Variants in MYOM1 observed in about 807,000 individuals in gnomAD.
MYOM1 encodes the protein myomesin 1.
A neutral mutation model predicts 205.3 loss-of-function variants in MYOM1; 164 were observed. That is an observed-to-expected ratio of 0.80 (90% CI 0.70 to 0.91). The LOEUF is 0.91. MYOM1 is among the 40% of genes least tolerant of loss of function. MYOM1 has a pLI of 0.00. For synonymous variants in MYOM1, 772 were observed against 789.4 expected (o/e 0.98, Z 0.37); for missense variants, 2,011 against 2,127.3 (o/e 0.95, Z 1.08).
chr18:3,225,585 G>A, the MYOM1 span, among the ~76,000 whole-genome samples: 3 of 152,192 alleles, frequency 2.0e-5, no homozygotes, highest in African/African-American at 7.2e-5. Flanking sequence ...CCAGACTCCA[G>A]AACAAAGGCT....
chr18:3,093,153 T>G (rs1224335645), intron 26 of MYOM1, among the ~76,000 whole-genome samples: 2 of 152,190 alleles, frequency 1.3e-5, no homozygotes, highest in East Asian at 3.8e-4. Flanking sequence ...TCTCCTAATA[T>G]TCATGGTACT....
the MYOM1 span, among the ~76,000 whole-genome samples, chr18:3,238,419 T>C: frequency 1.7e-3 from 253 of 151,452 alleles, 1 homozygote; most frequent in African/African-American, 5.9e-3. Flanking sequence ...CACTGAGCTA[T>C]ACAATAAACA....
At chr18:3,229,932 C>A in the MYOM1 span, among the ~76,000 whole-genome samples, 1 of 137,310 alleles carries the variant, frequency 7.3e-6, no homozygotes, top group Non-Finnish European at 1.5e-5. Context: ...GCCGAGATTG[C>A]GCCATTGCAC....
At chr18:3,150,591 C>T (rs1168028667) in intron 12 of MYOM1, among the ~76,000 whole-genome samples, 1 of 152,106 alleles carries the variant, frequency 6.6e-6, no homozygotes. Flanking sequence ...CCCACAACAA[C>T]AAAGAATTAC....
At chr18:3,185,690 T>A (rs962054760) in intron 5 of MYOM1, among the ~76,000 whole-genome samples, 8 of 152,356 alleles carry the variant, frequency 5.3e-5, no homozygotes, top group African/African-American at 1.9e-4. Flanking sequence ...TTGATTTTTT[T>A]AAACTTCATT....
At chr18:3,216,004 A>G (rs1369776479) in intron 1 of MYOM1, among the ~76,000 whole-genome samples, 2 of 152,192 alleles carry the variant, frequency 1.3e-5, no homozygotes, top group African/African-American at 4.8e-5. Context: ...ACAGTGGGTC[A>G]CGCCTGTAAT....
At position 3,116,389 on chromosome 18, in the gene MYOM1, G is replaced by C. The variant is rs368707213; in HGVS notation, c.3245C>G (p.Ala1082Gly). Residue 1082 changes from alanine (A) to glycine (G), a missense_variant, in exon 21 of 38, where the codon GCC becomes GGC. By Grantham distance (60) the Ala-to-Gly change is moderately conservative. Transcript: ENST00000356443. ...GAGCCCTCGCCACTGGTCTTCTTTG[G>C]CCTTGGCCTCCTTCAAGTCCACGAA... ...GYFVDLKEAK[A>G]KEDQWRGLNE... 6 of 1,613,320 alleles carry C rather than the reference G, an allele frequency of 3.7e-6. No homozygotes were observed. In the African/African-American group the frequency reaches 8.0e-5, roughly 22 times the overall value.
chr18:3,083,928 G>C (rs771113449), intron 32 of MYOM1, 34 bp from the exon 33 acceptor site: 5 of 1,575,394 alleles, frequency 3.2e-6, no homozygotes, highest in Non-Finnish European at 4.3e-6. Flanking sequence ...TCATACATCT[G>C]CATGCCCCTC....
chr18:3,183,909 CTT>C (rs1555627860), intron 5 of MYOM1, among the ~76,000 whole-genome samples: 46 of 143,242 alleles, frequency 3.2e-4, no homozygotes, highest in Non-Finnish European at 3.2e-4. Context: ...CGTTCTCTCT[CTT>C]TTTTTTTTTT....
chr18:3,232,792 T>A, the MYOM1 span, among the ~76,000 whole-genome samples: 11 of 151,952 alleles, frequency 7.2e-5, no homozygotes, highest in African/African-American at 1.2e-4. Flanking sequence ...TTTTTCAGTT[T>A]TAATAATCTA....
At chr18:3,109,860 A>G (rs1310816538) in intron 22 of MYOM1, among the ~76,000 whole-genome samples, 1 of 152,170 alleles carries the variant, frequency 6.6e-6, no homozygotes, top group African/African-American at 2.4e-5. Context: ...TCCTGGGCTC[A>G]AGTGATCCTC....
At chr18:3,210,771 T>C (rs1598774285) in intron 2 of MYOM1, among the ~76,000 whole-genome samples, 1 of 152,156 alleles carries the variant, frequency 6.6e-6, no homozygotes, top group African/African-American at 2.4e-5. Flanking sequence ...GTAACTGGCA[T>C]TGGGTGCCCG....
At chr18:3,144,409 G>GA (rs1205809171) in intron 13 of MYOM1, among the ~76,000 whole-genome samples, 2 of 151,878 alleles carry the variant, frequency 1.3e-5, no homozygotes, top group African/African-American at 4.8e-5. Context: ...TAGAAAAAGA[G>GA]AAAAAATGAA....
intron 2 of MYOM1, among the ~76,000 whole-genome samples, chr18:3,211,951 C>G (rs1285039801): frequency 1.3e-5 from 2 of 152,126 alleles, no homozygotes; most frequent in Non-Finnish European, 2.9e-5. Flanking sequence ...GTTCACAATC[C>G]AAAGAGAATG....
chr18:3,148,833 G>C (rs544082357), intron 13 of MYOM1, among the ~76,000 whole-genome samples: 1 of 113,526 alleles, frequency 8.8e-6, no homozygotes, highest in Non-Finnish European at 1.7e-5. Flanking sequence ...GCGACAGAGC[G>C]AGACTCCATC....
At position 3,129,383 on chromosome 18, in the gene MYOM1, T is replaced by C. The variant is rs1295554112; in HGVS notation, c.2643A>G (p.Lys881=). 2 of 1,613,886 alleles carry C rather than the reference T, an allele frequency of 1.2e-6. No individual in the cohort carries two copies. Among genetic ancestry groups the C allele is most frequent in the Non-Finnish European group, 1.7e-6 (2 of 1,179,856 alleles). The change falls in exon 18 of 38, where the codon AAA becomes AAG. Residue 881 remains lysine (K), a synonymous_variant. Coordinates refer to ENST00000356443, the MANE Select transcript of MYOM1 (RefSeq NM_003803.4). Reference sequence around the variant, plus strand: ...TTTGAGAGCTACTGGGTAGTGAAGGTTTGTTAGGTTTGCTGCCAAGCAAAG... The same window carrying C: ...TTTGAGAGCTACTGGGTAGTGAAGGCTTGTTAGGTTTGCTGCCAAGCAAAG... ...KDALLGSKPN[K]PSLPSSSQNL...
intron 5 of MYOM1, among the ~76,000 whole-genome samples, chr18:3,180,027 C>A (rs1054759903): frequency 9.9e-5 from 15 of 152,110 alleles, no homozygotes; most frequent in African/African-American, 3.6e-4. Context: ...TCAGCAGTGG[C>A]AGTTCATGCC....
At chr18:3,246,437 T>G in the MYOM1 span, 4 of 152,342 alleles carry the variant, frequency 2.6e-5, no homozygotes, top group African/African-American at 9.6e-5. Context: ...TATTTTTAAT[T>G]AGTACCCCAA....
intron 13 of MYOM1, among the ~76,000 whole-genome samples, chr18:3,145,954 G>T (rs1281266396): frequency 1.3e-5 from 2 of 151,954 alleles, no homozygotes; most frequent in African/African-American, 4.8e-5. Flanking sequence ...GATTCTGCAG[G>T]TATTAAAAGG....
Sources: gnomAD v4.1 joint callset for allele counts (sites outside exome capture counted in the v4.1 genomes callset) on GRCh38, gnomAD v4.1.1 for gene constraint, MANE v1.5 for transcripts, NCBI Gene and HGNC (gene_info 2026-07-23, HGNC 2026-07-21) for gene names.